Variants in VWA8 observed in about 807,000 individuals in gnomAD.
The protein encoded by VWA8 is von Willebrand factor A domain-containing protein 8.
Under a neutral mutation model 241.5 loss-of-function variants are expected in VWA8, and 221 were observed. That is an observed-to-expected ratio of 0.91 (90% CI 0.82 to 1.02). The LOEUF (loss-of-function observed/expected upper bound fraction) is 1.02. Among genes scored for constraint, VWA8 ranks in the 50% least tolerant of loss-of-function variants. VWA8 has a pLI of 0.00. For synonymous variants in VWA8, 852 were observed against 827.1 expected, an observed-to-expected ratio of 1.03 and a Z score of -0.52; for missense variants, 2,322 against 2,328.7, an observed-to-expected ratio of 1.00 and a Z score of 0.06.
chr13:41,698,349 T>C (rs2137824202), intron 29 of VWA8, among the ~76,000 whole-genome samples: 1 of 152,116 alleles, frequency 6.6e-6, no homozygotes, highest in East Asian at 1.9e-4. Context: ...ATTGGTATTG[T>C]ATAGATTAAC....
intron 2 of VWA8, among the ~76,000 whole-genome samples, chr13:41,914,634 T>G (rs550537831): frequency 6.6e-6 from 1 of 152,236 alleles, no homozygotes. Context: ...TACTCTGATA[T>G]CAAACATATA....
At chr13:41,609,824 T>C (rs2044575900) in intron 39 of VWA8, among the ~76,000 whole-genome samples, 1 of 152,190 alleles carries the variant, frequency 6.6e-6, no homozygotes, top group South Asian at 2.1e-4. Flanking sequence ...GACTCTTCTC[T>C]GCAGCATTTA....
chr13:41,858,483 A>C (rs1238649374), intron 12 of VWA8, among the ~76,000 whole-genome samples: 1 of 151,868 alleles, frequency 6.6e-6, no homozygotes, highest in Non-Finnish European at 1.5e-5. Context: ...GTGTGGGCCT[A>C]TAATCCCAGC....
At chr13:41,767,334 C>T (rs2045785702) in intron 20 of VWA8, among the ~76,000 whole-genome samples, 1 of 152,046 alleles carries the variant, frequency 6.6e-6, no homozygotes. Flanking sequence ...TGCTTAAATG[C>T]CTAAAAATAC....
chr13:41,761,272 G>A, intron 20 of VWA8, 68 bp from the exon 21 acceptor site: 9 of 1,481,990 alleles, frequency 6.1e-6, no homozygotes, highest in Non-Finnish European at 7.4e-6. Flanking sequence ...TGCCAAATCA[G>A]AAGAATCTTT....
At chr13:41,815,172 G>A (rs553862836) in intron 16 of VWA8, among the ~76,000 whole-genome samples, 5 of 152,266 alleles carry the variant, frequency 3.3e-5, no homozygotes, top group South Asian at 4.1e-4. Context: ...GCACTAGTAA[G>A]TTCAAGGAAA....
At chr13:41,629,657 G>GT (rs1485232120) in intron 37 of VWA8, among the ~76,000 whole-genome samples, 3 of 152,124 alleles carry the variant, frequency 2.0e-5, no homozygotes, top group African/African-American at 7.2e-5. Flanking sequence ...TAGGAATGAT[G>GT]TTTTTTCACA....
intron 18 of VWA8, 29 bp downstream of exon 18, chr13:41,787,408 T>A (rs1566457408): frequency 1.3e-6 from 2 of 1,507,650 alleles, no homozygotes; most frequent in Admixed American, 3.4e-5. Context: ...TTATTTCACT[T>A]AAAAAAAAGA....
At chr13:41,702,754 G>C (rs1419624004) in intron 27 of VWA8, among the ~76,000 whole-genome samples, 1 of 152,208 alleles carries the variant, frequency 6.6e-6, no homozygotes, top group African/African-American at 2.4e-5. Flanking sequence ...CTGCTCTACT[G>C]TGCTGCCCTC....
At chr13:41,866,085 C>A in intron 10 of VWA8, 49 bp from the exon 11 acceptor site, 1 of 1,596,004 alleles carries the variant, frequency 6.3e-7, no homozygotes, top group Non-Finnish European at 8.6e-7. Context: ...TGGTGGCTCA[C>A]GCCTATAATC....
intron 40 of VWA8, among the ~76,000 whole-genome samples, chr13:41,602,532 A>C (rs2044528444): frequency 6.6e-6 from 1 of 152,146 alleles, no homozygotes; most frequent in South Asian, 2.1e-4. Context: ...CAAATGTAGA[A>C]AATTATACAT....
chr13:41,720,389 T>C (rs1336698774), intron 25 of VWA8, among the ~76,000 whole-genome samples: 3 of 152,128 alleles, frequency 2.0e-5, no homozygotes, highest in Non-Finnish European at 2.9e-5. Context: ...TTATTTTTAA[T>C]CTTGATTTCT....
chr13:41,765,619 A>G (rs1005024312), intron 20 of VWA8, among the ~76,000 whole-genome samples: 2 of 152,192 alleles, frequency 1.3e-5, no homozygotes, highest in African/African-American at 4.8e-5. Context: ...TTATTTTTCC[A>G]TTATAAAGTT....
At position 41,924,465 on chromosome 13, in the gene VWA8, GAAAAGAA is replaced by G. The variant is rs550821933; in HGVS notation, c.242-12304_242-12298del. 2.7e-4 allele frequency among the ~76,000 whole-genome samples: 41 copies of G among 151,026 alleles called. No homozygotes were observed. In the East Asian group the frequency reaches 5.8e-3, roughly 21 times the overall value. ...GGGGGGAAGGGAGGAAGGAAGAAAGGAAAAGAAAAAAGAAAGAAAAAGAAAACAGAGT... is the reference window on the plus strand; with the variant it reads ...GGGGGGAAGGGAGGAAGGAAGAAAGGAAAAGAAAGAAAAAGAAAACAGAGT... On this transcript the variant is annotated intron_variant, in intron 2 of 44. Transcript: ENST00000379310.
At chr13:41,629,631 TCA>T (rs1263522240) in intron 37 of VWA8, among the ~76,000 whole-genome samples, 5 of 151,228 alleles carry the variant, frequency 3.3e-5, no homozygotes, top group African/African-American at 1.2e-4. Flanking sequence ...ACAATGAAAG[TCA>T]CATAATATTT....
intron 21 of VWA8, among the ~76,000 whole-genome samples, chr13:41,756,012 AAG>A (rs2045692497): frequency 6.6e-6 from 1 of 151,822 alleles, no homozygotes; most frequent in Admixed American, 6.6e-5. Flanking sequence ...AAACATACAA[AAG>A]AGAGTTTCAA....
intron 12 of VWA8, among the ~76,000 whole-genome samples, chr13:41,852,619 T>C (rs1162127976): frequency 6.6e-6 from 1 of 152,154 alleles, no homozygotes; most frequent in East Asian, 1.9e-4. Flanking sequence ...TAATCCATTC[T>C]TAGTTGATTT....
At chr13:41,798,806 AT>A (rs780254129) in intron 17 of VWA8, among the ~76,000 whole-genome samples, 2 of 152,158 alleles carry the variant, frequency 1.3e-5, no homozygotes, top group African/African-American at 2.4e-5. Context: ...CTACATGTCT[AT>A]TAACAACCCT....
intron 2 of VWA8, among the ~76,000 whole-genome samples, chr13:41,940,256 T>C (rs1413317776): frequency 6.6e-6 from 1 of 152,114 alleles, no homozygotes; most frequent in Non-Finnish European, 1.5e-5. Context: ...ACTTGAAAAG[T>C]GAAAGTCTAT....
Sources: allele counts gnomAD v4.1 joint callset (sites outside exome capture counted in the v4.1 genomes callset), GRCh38; gene constraint gnomAD v4.1.1; transcripts MANE v1.5; gene names NCBI Gene and HGNC (gene_info 2026-07-23, HGNC 2026-07-21).